The following CCDC149 variants were observed in gnomAD, a reference collection of about 807,000 sequenced individuals.
CCDC149 encodes coiled-coil domain containing 149.
Under a neutral mutation model 59.9 loss-of-function variants are expected in CCDC149, and 45 were observed. That is an observed-to-expected ratio of 0.75 (90% CI 0.59 to 0.96). The LOEUF is 0.96. Ranked by LOEUF, CCDC149 falls within the 40% of genes least tolerant of loss-of-function variation. The pLI is 0.00. For synonymous variants in CCDC149, 245 were observed against 260.6 expected, an observed-to-expected ratio of 0.94 and a Z score of 0.58; for missense variants, 584 against 664.7, an observed-to-expected ratio of 0.88 and a Z score of 1.33.
At chr4:24,927,981 TG>T (rs1233751366) in intron 1 of CCDC149, among the ~76,000 whole-genome samples, 2 of 152,186 alleles carry the variant, frequency 1.3e-5, no homozygotes, top group African/African-American at 2.4e-5. Flanking sequence ...CTCTATAAAA[TG>T]GCTCACCCCT....
chr4:24,909,323 G>A (rs951426824), intron 1 of CCDC149, among the ~76,000 whole-genome samples: 1 of 152,164 alleles, frequency 6.6e-6, no homozygotes, highest in Non-Finnish European at 1.5e-5. Flanking sequence ...CAGATTAGCT[G>A]TGCAGTGATG....
chr4:24,974,174 G>A (rs1231304716), intron 1 of CCDC149, among the ~76,000 whole-genome samples: 1 of 152,208 alleles, frequency 6.6e-6, no homozygotes, highest in Non-Finnish European at 1.5e-5. Flanking sequence ...AGGGCGGAAG[G>A]TGACCCGCAG....
chr4:24,909,836 A>C (rs1721770628), intron 1 of CCDC149, among the ~76,000 whole-genome samples: 1 of 152,024 alleles, frequency 6.6e-6, no homozygotes, highest in African/African-American at 2.4e-5. Flanking sequence ...GCTGCCATCC[A>C]TGTAAGATGT....
At chr4:24,891,292 T>C (rs934753902) in intron 1 of CCDC149, among the ~76,000 whole-genome samples, 2 of 152,178 alleles carry the variant, frequency 1.3e-5, no homozygotes, top group African/African-American at 4.8e-5. Context: ...GAGGACAAAC[T>C]AAATTGTAAA....
intron 12 of CCDC149, among the ~76,000 whole-genome samples, chr4:24,809,136 A>C (rs1471703943): frequency 1.3e-5 from 2 of 152,170 alleles, no homozygotes; most frequent in South Asian, 2.1e-4. Context: ...GTGCCCATTA[A>C]ATATTTAAAT....
In CCDC149 at chr4:24,876,762, C is replaced by T. The variant is rs960835774; in HGVS notation, c.64-65G>A. The T allele has an allele frequency of 9.8e-5, 144 of 1,465,388 alleles. No individual in the cohort carries two copies. The Admixed American group carries it at 2.4e-3, about 25-fold the overall frequency. The allele number at this position is 1,465,388 out of a possible 1,614,324, so 90.8% of individuals were successfully genotyped here. A position where few individuals can be genotyped will look rare whatever the true frequency, so the allele number is the denominator to read the frequency against. The stretch of plus-strand genomic sequence containing the variant: ...CCATGGGCCTCCATTAAACACACAC[C>T]GTACTTCACACACCCTGTGGGGAAT... On this transcript the variant is annotated intron_variant, in intron 1 of 12. Coordinates refer to ENST00000635206, the MANE Select transcript of CCDC149 (RefSeq NM_001330643.2).
intron 1 of CCDC149, among the ~76,000 whole-genome samples, chr4:24,974,341 C>T (rs1299094310): frequency 6.6e-6 from 1 of 152,206 alleles, no homozygotes; most frequent in Non-Finnish European, 1.5e-5. Context: ...CTGAATTCTG[C>T]AGAGGAAACC....
At chr4:24,917,904 G>A (rs562936815), upstream of CCDC149, among the ~76,000 whole-genome samples, 6 of 152,234 alleles carry the variant, frequency 3.9e-5, no homozygotes, top group East Asian at 3.9e-4. Context: ...TGCTGCTGAC[G>A]GGTTAGCAGC....
In CCDC149 at chr4:24,811,588, T is replaced by A. The variant is rs1290720055; in HGVS notation, c.1193-2769A>T. Among the ~76,000 whole-genome samples the A allele has an allele frequency of 4.6e-5, 7 of 152,132 alleles. No homozygotes were observed. The East Asian group carries it at 7.7e-4, about 17-fold the overall frequency. ...AATCAGAAGTCCAAAAAAATTTCAC[T>A]GGGGCCAGGCACAGTGGCTCATGCC... On this transcript the variant is annotated intron_variant, in intron 12 of 12. Transcript: ENST00000635206.
At chr4:24,973,046 T>C (rs1205355345) in intron 1 of CCDC149, among the ~76,000 whole-genome samples, 1 of 152,212 alleles carries the variant, frequency 6.6e-6, no homozygotes, top group African/African-American at 2.4e-5. Flanking sequence ...CTAGACACTC[T>C]TCTATTGATT....
chr4:24,838,422 AT>A, intron 4 of CCDC149, 150 bp from the exon 5 acceptor site: 2 of 628,046 alleles, frequency 3.2e-6, no homozygotes, highest in Non-Finnish European at 5.6e-6. Flanking sequence ...AGTATCATCC[AT>A]TTTTTAAAAA....
At chr4:24,915,506 G>T (rs764037734), upstream of CCDC149, among the ~76,000 whole-genome samples, 13 of 152,188 alleles carry the variant, frequency 8.5e-5, no homozygotes, top group Admixed American at 3.9e-4. Flanking sequence ...AGAAATCTTC[G>T]CATTCCAGAC....
At chr4:24,907,180 G>A (rs755114260) in intron 1 of CCDC149, among the ~76,000 whole-genome samples, 3 of 152,162 alleles carry the variant, frequency 2.0e-5, no homozygotes, top group Non-Finnish European at 4.4e-5. Flanking sequence ...CTGCTGCCTT[G>A]CCCGGCAGAG....
intron 1 of CCDC149, among the ~76,000 whole-genome samples, chr4:24,912,110 G>C (rs1721909918): frequency 6.6e-6 from 1 of 152,198 alleles, no homozygotes; most frequent in Non-Finnish European, 1.5e-5. Flanking sequence ...AAACTCTTAG[G>C]GGGAACTGAA....
chr4:24,918,048 G>GA lies in CCDC149; in HGVS notation c.-64-22931dup, dbSNP rs575468946. Among the ~76,000 whole-genome samples the GA allele has an allele frequency of 5.7e-4, 85 of 149,272 alleles. 1 individual carries two copies. The highest frequency in any genetic ancestry group is 5.5e-3 in the South Asian group (26 of 4,708). Reference sequence around the variant, plus strand: ...GACCCTGTCGTTCTGGAAGCCTTATGAAAAAAAAAATCTGATGAATGTCTA... The same window carrying GA: ...GACCCTGTCGTTCTGGAAGCCTTATGAAAAAAAAAAATCTGATGAATGTCTA... On this transcript the variant is annotated intron_variant, in intron 1 of 12. Coordinates refer to the CCDC149 transcript ENST00000389609.
chr4:24,825,808 G>C (rs1715699823), intron 9 of CCDC149, among the ~76,000 whole-genome samples: 1 of 151,796 alleles, frequency 6.6e-6, no homozygotes, highest in South Asian at 2.1e-4. Context: ...TATTAAAACT[G>C]TAGAGCAGAA....
chr4:24,905,214 T>C (rs1293090280), intron 1 of CCDC149, among the ~76,000 whole-genome samples: 1 of 151,678 alleles, frequency 6.6e-6, no homozygotes, highest in Non-Finnish European at 1.5e-5. Context: ...TCTTACTGAG[T>C]AGTGAGAGTT....
In CCDC149 at chr4:24,837,323, C is replaced by T. The variant is rs1716605899; in HGVS notation, c.567G>A (p.Gln189=). Reference sequence around the variant, plus strand: ...CCTGGTTGAGCCTCTCCACTTTGTCCTGGTAGGAAGACCGTTCTTCTTTAA... The same window carrying T: ...CCTGGTTGAGCCTCTCCACTTTGTCTTGGTAGGAAGACCGTTCTTCTTTAA... The change falls in exon 6 of 13, where the codon CAG becomes CAA. Residue 189 remains glutamine, a synonymous_variant. Transcript: ENST00000635206. The surrounding 1 kb of genome is among the most constrained non-coding windows in gnomAD (Gnocchi z 4.3). 2 of 1,614,062 alleles carry T rather than the reference C, an allele frequency of 1.2e-6. No individual in the cohort carries two copies. The highest frequency in any genetic ancestry group is 1.7e-6 in the Non-Finnish European group (2 of 1,180,048).
chr4:24,815,573 C>T (rs1262864601), intron 12 of CCDC149, among the ~76,000 whole-genome samples: 2 of 152,156 alleles, frequency 1.3e-5, no homozygotes, highest in Non-Finnish European at 2.9e-5. Context: ...TATTCTAGTC[C>T]CCCTGAAAAA....
Sources: allele counts gnomAD v4.1 joint callset (sites outside exome capture counted in the v4.1 genomes callset), GRCh38; gene constraint gnomAD v4.1.1; non-coding constraint Gnocchi (gnomAD v3.1); transcripts MANE v1.5; gene names NCBI Gene and HGNC (gene_info 2026-07-23, HGNC 2026-07-21).